NXN: variants seen among roughly 807,000 people sequenced by gnomAD.
The protein encoded by NXN is nucleoredoxin.
In NXN, 16 loss-of-function variants were observed where a neutral mutation model predicts 48.6. That is an observed-to-expected ratio of 0.33 (90% CI 0.22 to 0.50). The LOEUF is 0.50. NXN is among the 20% of genes least tolerant of loss of function. The pLI, the probability that NXN is intolerant of heterozygous loss-of-function variation, is 0.98. For missense variants in NXN, 492 were observed against 605.5 expected, an observed-to-expected ratio of 0.81 and a Z score of 1.97; for synonymous variants, 281 against 269.6, an observed-to-expected ratio of 1.04 and a Z score of -0.41.
intron 1 of NXN, among the ~76,000 whole-genome samples, chr17:882,984 C>T (rs1033899022): frequency 5.3e-5 from 8 of 152,158 alleles, no homozygotes; most frequent in Non-Finnish European, 1.0e-4. Flanking sequence ...GAACTCCTGA[C>T]CTCAGGTGAT....
At chr17:967,143 G>A (rs1294434944) in intron 1 of NXN, among the ~76,000 whole-genome samples, 1 of 146,774 alleles carries the variant, frequency 6.8e-6, no homozygotes, top group East Asian at 1.9e-4. Context: ...AGTCCACCTG[G>A]CTTGGGACCC....
intron 1 of NXN, among the ~76,000 whole-genome samples, chr17:897,768 A>T (rs9908247): frequency 1.3e-5 from 2 of 151,826 alleles, no homozygotes; most frequent in Non-Finnish European, 2.9e-5. Context: ...CTCGGCCTCC[A>T]AGGTTCAAGC....
chr17:812,791 G>GGT (rs771285156), intron 5 of NXN, among the ~76,000 whole-genome samples: 4 of 147,406 alleles, frequency 2.7e-5, no homozygotes, highest in Non-Finnish European at 6.0e-5. Context: ...CATGTGTGTA[G>GGT]GTGTGTGTGC....
chr17:839,148 C>T (rs542579377), intron 1 of NXN, among the ~76,000 whole-genome samples: 1 of 152,040 alleles, frequency 6.6e-6, no homozygotes, highest in South Asian at 2.1e-4. Context: ...TCATAGTGAG[C>T]GTCAGGCCGG....
At chr17:820,468 T>A (rs1257613460) in intron 4 of NXN, among the ~76,000 whole-genome samples, 3 of 148,664 alleles carry the variant, frequency 2.0e-5, no homozygotes, top group Non-Finnish European at 4.5e-5. Context: ...AAAAATTAGC[T>A]GGGCATGGTG....
chr17:878,684 T>C (rs2068248340), intron 1 of NXN, among the ~76,000 whole-genome samples: 1 of 151,926 alleles, frequency 6.6e-6, no homozygotes, highest in South Asian at 2.1e-4. Context: ...GGTGGACTCA[T>C]TAAGGGACTA....
chr17:954,307 G>A (rs2069143425), intron 1 of NXN, among the ~76,000 whole-genome samples: 1 of 152,126 alleles, frequency 6.6e-6, no homozygotes, highest in African/African-American at 2.4e-5. Context: ...CTTGAATCTT[G>A]AAGGTGGAGG....
chr17:804,617 A>G (rs1273864561), intron 6 of NXN, among the ~76,000 whole-genome samples: 1 of 152,062 alleles, frequency 6.6e-6, no homozygotes, highest in African/African-American at 2.4e-5. Context: ...AGACTGGGTG[A>G]GATGGGAGAC....
chr17:967,778 T>C (rs2069324171), intron 1 of NXN, among the ~76,000 whole-genome samples: 1 of 152,146 alleles, frequency 6.6e-6, no homozygotes, highest in Non-Finnish European at 1.5e-5. Flanking sequence ...AAGACCATCC[T>C]GGCTAATATG....
intron 1 of NXN, among the ~76,000 whole-genome samples, chr17:885,454 G>A (rs2068334111): frequency 6.6e-6 from 1 of 151,274 alleles, no homozygotes; most frequent in South Asian, 2.1e-4. Context: ...TCCAGCCTGG[G>A]CAACAAGAGC....
intron 1 of NXN, among the ~76,000 whole-genome samples, chr17:925,210 C>T (rs1217592219): frequency 6.6e-6 from 1 of 152,180 alleles, no homozygotes; most frequent in Non-Finnish European, 1.5e-5. Flanking sequence ...AGAATGAGGC[C>T]TCCCGCCTCC....
At chr17:967,531 TCA>T (rs1426345544) in intron 1 of NXN, among the ~76,000 whole-genome samples, 1 of 152,024 alleles carries the variant, frequency 6.6e-6, no homozygotes, top group Non-Finnish European at 1.5e-5. Context: ...AAAACAGGGC[TCA>T]GAAAAGTTCA....
At chr17:854,954 G>A (rs925802487) in intron 1 of NXN, among the ~76,000 whole-genome samples, 49 of 150,548 alleles carry the variant, frequency 3.3e-4, no homozygotes, top group South Asian at 2.5e-3. Context: ...GTGAGACTCC[G>A]TCTCAAAAAA....
chr17:900,006 C>T (rs753872418), intron 1 of NXN, among the ~76,000 whole-genome samples: 120 of 152,300 alleles, frequency 7.9e-4, no homozygotes, highest in Non-Finnish European at 5.6e-4. Context: ...TGGCTCATGC[C>T]CGTAATCCCA....
rs765517973 is a variant in NXN at position 822,412 on chromosome 17, G to C, written c.658C>G (p.Arg220Gly). ...SLTRVLVESY[R>G]KIKEAGQNFE... Reference sequence around the variant, plus strand: ...TTCTGGCCTGCCTCCTTGATCTTCCGGTAGGATTCCACCAGGACCCGGGTG... The same window carrying C: ...TTCTGGCCTGCCTCCTTGATCTTCCCGTAGGATTCCACCAGGACCCGGGTG... The change falls in exon 4 of 8, where the codon CGG (arginine) becomes GGG (glycine). Residue 220 changes from arginine to glycine, a missense_variant. Around this residue, in one of 3 missense-constraint regions of NXN, gnomAD observed 303 missense variants for 388.3 expected, o/e 0.78. Transcript: ENST00000336868. 1.2e-6 allele frequency: 2 copies of C among 1,614,074 alleles called. No homozygotes were observed. Among genetic ancestry groups the C allele is most frequent in the South Asian group, 2.2e-5 (2 of 91,064 alleles).
intron 1 of NXN, among the ~76,000 whole-genome samples, chr17:885,431 C>T (rs554942): frequency 6.6e-6 from 1 of 150,506 alleles, no homozygotes; most frequent in African/African-American, 2.4e-5. Context: ...GAGCGGAGAT[C>T]GCACCACTAC....
At chr17:945,853 A>G (rs531573793) in intron 1 of NXN, among the ~76,000 whole-genome samples, 2 of 152,236 alleles carry the variant, frequency 1.3e-5, no homozygotes, top group African/African-American at 4.8e-5. Context: ...CTGATCGTTC[A>G]GAGATAACCC....
intron 5 of NXN, among the ~76,000 whole-genome samples, chr17:806,932 ACACACACACACACACG>A: frequency 6.7e-6 from 1 of 150,066 alleles, no homozygotes; most frequent in African/African-American, 2.5e-5. Flanking sequence ...ACACACACAC[ACACACACACACACACG>A]CACGCGCCCA....
intron 1 of NXN, among the ~76,000 whole-genome samples, chr17:961,380 G>A (rs147056591): frequency 0.014 from 2,052 of 146,688 alleles, 47 homozygotes; most frequent in African/African-American, 0.047. Flanking sequence ...GTGAGACTCC[G>A]TCTCAAGAAA....
Sources: allele counts gnomAD v4.1 joint callset (sites outside exome capture counted in the v4.1 genomes callset), GRCh38; gene constraint gnomAD v4.1.1; regional missense constraint gnomAD v4.1.1; transcripts MANE v1.5; gene names NCBI Gene and HGNC (gene_info 2026-07-23, HGNC 2026-07-21).